TRPM3: variants seen among roughly 807,000 people sequenced by gnomAD.
TRPM3 encodes the protein long transient receptor potential channel 3.
A neutral mutation model predicts 181.2 loss-of-function variants in TRPM3; 77 were observed. The ratio of observed to expected loss-of-function variants is 0.42; its 90% CI spans 0.35 to 0.51. The LOEUF (loss-of-function observed/expected upper bound fraction) is 0.51. TRPM3 is among the 20% of genes least tolerant of loss of function. The probability of loss-of-function intolerance (pLI) is 0.01; values close to 1 mark genes in which losing one functional copy is unlikely to be tolerated. For synonymous variants in TRPM3, 745 were observed against 796.4 expected, an observed-to-expected ratio of 0.94 and a Z score of 1.09; for missense variants, 1,759 against 2,196.7, an observed-to-expected ratio of 0.80 and a Z score of 3.98.
At chr9:71,197,028 A>G (rs540225806) in intron 1 of TRPM3, among the ~76,000 whole-genome samples, 5 of 151,926 alleles carry the variant, frequency 3.3e-5, no homozygotes, top group African/African-American at 1.2e-4. Flanking sequence ...GACTTCCCAC[A>G]CCCCACAAGA....
rs146249181 is a variant in TRPM3, at chr9:70,901,974, G to A, written c.178-37463C>T. Among the ~76,000 whole-genome samples, 5 of 152,256 alleles carry A rather than the reference G, an allele frequency of 3.3e-5. No homozygotes were observed. In the East Asian group the frequency reaches 9.7e-4, roughly 29 times the overall value. On this transcript the variant is annotated intron_variant, in intron 1 of 25. Coordinates refer to ENST00000677713, the MANE Select transcript of TRPM3 (RefSeq NM_001366145.2). ...GTGCTTGTTGCCGCAATTAGGATAA[G>A]ATAACACAGGCAGACAGCTGTGGCC...
chr9:71,369,606 C>T (rs1161256338), intron 1 of TRPM3, among the ~76,000 whole-genome samples: 1 of 152,254 alleles, frequency 6.6e-6, no homozygotes, highest in East Asian at 1.9e-4. Context: ...CAGGTTCAAG[C>T]GATTCTCCTG....
intron 1 of TRPM3, among the ~76,000 whole-genome samples, chr9:70,914,190 C>T (rs969267409): frequency 1.3e-5 from 2 of 152,166 alleles, no homozygotes; most frequent in East Asian, 3.9e-4. Flanking sequence ...AGAGGCTTCA[C>T]ATAGCATTCA....
chr9:70,796,240 A>G (rs1046250234), intron 6 of TRPM3, among the ~76,000 whole-genome samples: 1 of 152,246 alleles, frequency 6.6e-6, no homozygotes, highest in African/African-American at 2.4e-5. Flanking sequence ...GGAGCAAAGC[A>G]GCTAAGGGAA....
At chr9:71,044,433 T>G (rs973352449) in intron 1 of TRPM3, among the ~76,000 whole-genome samples, 1 of 152,230 alleles carries the variant, frequency 6.6e-6, no homozygotes, top group African/African-American at 2.4e-5. Flanking sequence ...GTTTATATTC[T>G]TTGCTTTTCC....
intron 1 of TRPM3, among the ~76,000 whole-genome samples, chr9:71,162,750 G>C (rs999329797): frequency 6.6e-6 from 1 of 152,020 alleles, no homozygotes; most frequent in African/African-American, 2.4e-5. Flanking sequence ...CTGGGTTCTG[G>C]AGAGATAAAG....
In TRPM3 at chr9:70,534,621, T is replaced by C. The variant is rs1041531376; in HGVS notation, c.*1332A>G. 1 of 152,248 alleles carries C rather than the reference T, an allele frequency of 6.6e-6. No homozygotes were observed. The highest frequency in any genetic ancestry group is 1.5e-5 in the Non-Finnish European group (1 of 68,044). The allele number at this position is 152,248 out of a possible 1,614,324, so 9.4% of individuals were successfully genotyped here. ...TCTACTGTATCTTTTTTTATAGCTC[T>C]GTCTATAAGAAAAATATTCATGGTA... On this transcript the variant is annotated 3_prime_UTR_variant, in exon 26 of 26. Coordinates refer to ENST00000677713, the MANE Select transcript of TRPM3 (RefSeq NM_001366145.2).
At chr9:71,079,317 G>C (rs1446144562) in intron 1 of TRPM3, among the ~76,000 whole-genome samples, 3 of 152,188 alleles carry the variant, frequency 2.0e-5, no homozygotes. Context: ...AGTTTAGAGT[G>C]AAGGAATGAT....
chr9:71,041,762 C>G (rs1452975396), intron 1 of TRPM3, among the ~76,000 whole-genome samples: 3 of 152,114 alleles, frequency 2.0e-5, no homozygotes, highest in Non-Finnish European at 4.4e-5. Context: ...TAATTCTCCT[C>G]TCTCCTCTGA....
At chr9:70,957,829 C>T (rs2097094554) in intron 1 of TRPM3, among the ~76,000 whole-genome samples, 1 of 152,112 alleles carries the variant, frequency 6.6e-6, no homozygotes, top group South Asian at 2.1e-4. Flanking sequence ...TGAAAGTCCT[C>T]TTCTAGATTT....
intron 1 of TRPM3, among the ~76,000 whole-genome samples, chr9:71,016,374 A>T (rs1428934997): frequency 6.6e-6 from 1 of 152,008 alleles, no homozygotes; most frequent in African/African-American, 2.4e-5. Flanking sequence ...CATCTCCAGA[A>T]CTTTTTTCAT....
intron 1 of TRPM3, among the ~76,000 whole-genome samples, chr9:70,969,111 C>T (rs2097213107): frequency 6.6e-6 from 1 of 152,120 alleles, no homozygotes; most frequent in Non-Finnish European, 1.5e-5. Flanking sequence ...GCAATCTATC[C>T]ATCTGACAAA....
intron 1 of TRPM3, among the ~76,000 whole-genome samples, chr9:70,872,070 A>T (rs1052426948): frequency 1.3e-5 from 2 of 151,990 alleles, no homozygotes; most frequent in African/African-American, 4.8e-5. Flanking sequence ...GCATCAACTA[A>T]AGAGCATGAT....
At position 71,232,491 on chromosome 9, in the gene TRPM3, C is replaced by CTTTTTTTTTT. The variant is rs71352362; in HGVS notation, c.183+214152_183+214161dup. Among the ~76,000 whole-genome samples, 21 of 59,148 alleles carry CTTTTTTTTTT rather than the reference C, an allele frequency of 3.6e-4. 3 individuals carry two copies. Among genetic ancestry groups the CTTTTTTTTTT allele is most frequent in the African/African-American group, 5.2e-4 (7 of 13,406 alleles). 38.8% of individuals were successfully genotyped at this position (59,148 alleles called of 152,430 possible). A position where few individuals can be genotyped will look rare whatever the true frequency, so the allele number is the denominator to read the frequency against. ...CGCACATGGAAATTGAATTCAGTGTCTTTTTTTTTTTTTTTTTTTTTTTTT... is the reference window on the plus strand; with the variant it reads ...CGCACATGGAAATTGAATTCAGTGTCTTTTTTTTTTTTTTTTTTTTTTTTTTTTTTTTTTT... On this transcript the variant is annotated intron_variant, in intron 1 of 24. Coordinates refer to the TRPM3 transcript ENST00000357533.
intron 10 of TRPM3, 86 bp from the exon 11 acceptor site, chr9:70,639,280 G>A (rs2057695974): frequency 6.9e-7 from 1 of 1,452,158 alleles, no homozygotes; most frequent in Non-Finnish European, 9.4e-7. Flanking sequence ...GCTTAGAAAT[G>A]GATGCCTTTG....
chr9:71,373,597 T>C (rs987929509), intron 1 of TRPM3, among the ~76,000 whole-genome samples: 3 of 152,088 alleles, frequency 2.0e-5, no homozygotes, highest in Non-Finnish European at 4.4e-5. Flanking sequence ...AATCTCTGAA[T>C]AGACCAATAA....
At chr9:70,948,367 C>T (rs575670966) in intron 1 of TRPM3, among the ~76,000 whole-genome samples, 5 of 152,206 alleles carry the variant, frequency 3.3e-5, no homozygotes, top group East Asian at 3.9e-4. Flanking sequence ...TTGCTGAAAA[C>T]GAAATATACT....
chr9:70,938,952 C>G (rs187701869), intron 1 of TRPM3, among the ~76,000 whole-genome samples: 2 of 147,798 alleles, frequency 1.4e-5, no homozygotes, highest in African/African-American at 5.0e-5. Context: ...AGCGAGACTC[C>G]GTCTCAAAAA....
Position 70,553,138 on chromosome 9 carries a change from G to A in TRPM3, c.3374+22C>T, listed in dbSNP as rs548375665. 118 of 1,613,956 alleles carry A rather than the reference G, an allele frequency of 7.3e-5. No homozygotes were observed. The South Asian group carries it at 7.6e-4, about 10-fold the overall frequency. On this transcript the variant is annotated intron_variant, in intron 23 of 25. Transcript: ENST00000677713. ...CCCCTGCTGTCCTCATCCATCCCAC[G>A]TGCTCCAAAGGACCCACTTACTTAA... is the stretch of plus-strand genomic sequence containing the variant.
Sources: gnomAD v4.1 joint callset for allele counts (sites outside exome capture counted in the v4.1 genomes callset) on GRCh38, gnomAD v4.1.1 for gene constraint, MANE v1.5 for transcripts, NCBI Gene and HGNC (gene_info 2026-07-23, HGNC 2026-07-21) for gene names.